Variants in LDLRAD4 observed in about 807,000 individuals in gnomAD.
The protein encoded by LDLRAD4 is low-density lipoprotein receptor class A domain-containing protein 4.
LDLRAD4 carries 5 observed loss-of-function variants against 17.0 expected under a neutral mutation model. That is an observed-to-expected ratio of 0.29 (90% confidence interval 0.15 to 0.62). The LOEUF is 0.62. LDLRAD4 is among the 20% of genes least tolerant of loss of function. LDLRAD4 has a pLI of 0.84. For missense variants in LDLRAD4, 340 were observed against 424.7 expected (o/e 0.80, Z 1.75); for synonymous variants, 168 against 171.8 (o/e 0.98, Z 0.17).
chr18:13,221,195 A>T (rs1281393808), intron 1 of LDLRAD4, among the ~76,000 whole-genome samples: 4 of 152,342 alleles, frequency 2.6e-5, no homozygotes, highest in Middle Eastern at 3.4e-3. Context: ...ACCTGGAAAA[A>T]TTTTTGGAAA....
At chr18:13,358,343 T>TTA (rs1390029420) in intron 1 of LDLRAD4, among the ~76,000 whole-genome samples, 1 of 151,876 alleles carries the variant, frequency 6.6e-6, no homozygotes, top group Non-Finnish European at 1.5e-5. Flanking sequence ...CTAGATTATT[T>TTA]TATATATAGA....
At chr18:13,396,775 G>C (rs1253684988) in intron 2 of LDLRAD4, among the ~76,000 whole-genome samples, 3 of 152,142 alleles carry the variant, frequency 2.0e-5, no homozygotes, top group Non-Finnish European at 4.4e-5. Context: ...GAGCCACTGC[G>C]CCTGGCCTAT....
intron 1 of LDLRAD4, among the ~76,000 whole-genome samples, chr18:13,336,505 A>AT (rs2082109711): frequency 6.6e-6 from 1 of 151,990 alleles, no homozygotes; most frequent in Non-Finnish European, 1.5e-5. Context: ...CTCATTTGTC[A>AT]TTCATCCAAA....
intron 1 of LDLRAD4, among the ~76,000 whole-genome samples, chr18:13,235,567 CGGA>C (rs1306601418): frequency 6.6e-6 from 1 of 152,190 alleles, no homozygotes; most frequent in South Asian, 2.1e-4. Context: ...AAACCAAGTG[CGGA>C]AGAAGGAGAA....
chr18:13,546,937 C>T (rs1039628712), intron 3 of LDLRAD4, among the ~76,000 whole-genome samples: 2 of 152,166 alleles, frequency 1.3e-5, no homozygotes, highest in African/African-American at 4.8e-5. Flanking sequence ...AGAGGAGTCC[C>T]CTTCTTTTTC....
intron 2 of LDLRAD4, among the ~76,000 whole-genome samples, chr18:13,424,426 C>G (rs2089757279): frequency 6.6e-6 from 1 of 152,176 alleles, no homozygotes. Flanking sequence ...CCAAAGTGCA[C>G]TGACTTCTCT....
At chr18:13,401,565 A>G (rs1049286134) in intron 2 of LDLRAD4, among the ~76,000 whole-genome samples, 2 of 152,050 alleles carry the variant, frequency 1.3e-5, no homozygotes, top group East Asian at 1.9e-4. Flanking sequence ...AGGCCCTGGG[A>G]AGGAAGTCAC....
At chr18:13,304,508 C>T (rs559886140) in intron 1 of LDLRAD4, among the ~76,000 whole-genome samples, 68 of 152,196 alleles carry the variant, frequency 4.5e-4, no homozygotes, top group Non-Finnish European at 7.9e-4. Flanking sequence ...AGCATGCTGT[C>T]GCAGCACAGG....
intron 3 of LDLRAD4, among the ~76,000 whole-genome samples, chr18:13,456,424 C>T (rs1272303798): frequency 2.0e-5 from 3 of 152,234 alleles, no homozygotes; most frequent in African/African-American, 4.8e-5. Context: ...GCGTGCGTCA[C>T]GCTATCCAGG....
At chr18:13,425,763 G>A (rs1285568883) in intron 2 of LDLRAD4, among the ~76,000 whole-genome samples, 1 of 152,188 alleles carries the variant, frequency 6.6e-6, no homozygotes, top group East Asian at 1.9e-4. Context: ...TGCTTCCCGA[G>A]GTCGAGGCTC....
At chr18:13,407,259 C>T (rs2087854319) in intron 2 of LDLRAD4, among the ~76,000 whole-genome samples, 1 of 152,160 alleles carries the variant, frequency 6.6e-6, no homozygotes, top group African/African-American at 2.4e-5. Flanking sequence ...TCCAGAGCTT[C>T]TCTCATCTCA....
intron 3 of LDLRAD4, among the ~76,000 whole-genome samples, chr18:13,618,292 CT>C (rs1305458224): frequency 6.6e-6 from 1 of 152,254 alleles, no homozygotes; most frequent in Non-Finnish European, 1.5e-5. Flanking sequence ...GAGGCCTGGG[CT>C]TTCCCCCGGG....
intron 1 of LDLRAD4, among the ~76,000 whole-genome samples, chr18:13,226,656 T>G (rs1404091329): frequency 1.3e-5 from 2 of 151,940 alleles, no homozygotes; most frequent in African/African-American, 4.8e-5. Flanking sequence ...AACATCATAA[T>G]GTCAGTGGAT....
intron 4 of LDLRAD4, among the ~76,000 whole-genome samples, chr18:13,623,357 G>C (rs571402919): frequency 6.6e-6 from 1 of 152,344 alleles, no homozygotes; most frequent in Admixed American, 6.5e-5. Context: ...CCACATCCCT[G>C]TCTGGGCCTC....
intron 1 of LDLRAD4, among the ~76,000 whole-genome samples, chr18:13,371,044 G>A (rs942124785): frequency 2.0e-5 from 3 of 152,072 alleles, no homozygotes; most frequent in South Asian, 4.1e-4. Flanking sequence ...TTTTCTCACC[G>A]GAAAACATTG....
chr18:13,234,643 A>G (rs1054418153), intron 1 of LDLRAD4, among the ~76,000 whole-genome samples: 9 of 152,180 alleles, frequency 5.9e-5, no homozygotes, highest in African/African-American at 1.9e-4. Context: ...GGGTTGGGAC[A>G]GGCCTCAGTG....
At chr18:13,220,393 G>A (rs1203701303) in intron 1 of LDLRAD4, among the ~76,000 whole-genome samples, 1 of 152,124 alleles carries the variant, frequency 6.6e-6, no homozygotes, top group East Asian at 1.9e-4. Context: ...TATTTACATT[G>A]GAGAAGACTC....
chr18:13,306,970 G>GA (rs989952601), intron 1 of LDLRAD4, among the ~76,000 whole-genome samples: 13 of 152,030 alleles, frequency 8.6e-5, no homozygotes, highest in African/African-American at 2.4e-4. Context: ...CAGGTGATGG[G>GA]AAAAAAACAT....
In LDLRAD4 at chr18:13,498,766, C is replaced by T. The variant is rs763536699; in HGVS notation, c.181+60382C>T. ...ATCCTTCTGCCCACACACATCCCGC[C>T]GTGGACACTGGAGAATCCTTCTCCC... is the stretch of plus-strand genomic sequence containing the variant. On this transcript the variant is annotated intron_variant, in intron 3 of 5. Transcript: ENST00000359446. 3.9e-4 allele frequency among the ~76,000 whole-genome samples: 55 copies of T among 139,880 alleles called. 1 individual carries two copies. Among genetic ancestry groups the T allele is most frequent in the Non-Finnish European group, 5.4e-4 (35 of 64,276 alleles). 91.8% of individuals were successfully genotyped at this position (139,880 alleles called of 152,430 possible).
Sources: allele counts gnomAD v4.1 joint callset (sites outside exome capture counted in the v4.1 genomes callset), GRCh38; gene constraint gnomAD v4.1.1; transcripts MANE v1.5; gene names NCBI Gene and HGNC (gene_info 2026-07-23, HGNC 2026-07-21).